The following SUGP1 variants were observed in gnomAD, a reference collection of about 807,000 sequenced individuals.
SUGP1 encodes the protein SURP and G-patch domain containing 1.
A neutral mutation model predicts 76.5 loss-of-function variants in SUGP1; 34 were observed. The ratio of observed to expected loss-of-function variants is 0.44; its 90% CI spans 0.34 to 0.59. The LOEUF is 0.59. Ranked by LOEUF, SUGP1 falls within the 20% of genes least tolerant of loss-of-function variation. The pLI is 0.01. For synonymous variants in SUGP1, 326 were observed against 326.2 expected, an observed-to-expected ratio of 1.00 and a Z score of 0.01; for missense variants, 752 against 851.7, an observed-to-expected ratio of 0.88 and a Z score of 1.46.
In SUGP1 at chr19:19,306,075, G is replaced by A. The variant is rs138023808; in HGVS notation, c.312C>T (p.Asp104=). 7.8e-4 allele frequency: 1,242 copies of A among 1,589,470 alleles called. 7 individuals are homozygous for A. In the African/African-American group the frequency reaches 0.015, roughly 19 times the overall value. ...GGGCGCTGGGCGCACTGGTCGGGGC[G>A]TCTGGTATAGAAGGAAGGATATGCG... The part of the protein sequence containing the change: ...LKLQKAQTST[D]APTSAPSAPP... Residue 104 remains aspartate, a splice_region_variant and synonymous_variant, in exon 4 of 14, where the codon GAC becomes GAT. Coordinates refer to ENST00000247001, the MANE Select transcript of SUGP1 (RefSeq NM_172231.4).
chr19:19,301,988 G>A (rs942839589), intron 7 of SUGP1: 3 of 450,226 alleles, frequency 6.7e-6, no homozygotes, highest in African/African-American at 3.9e-5. Context: ...AGGCAACTGG[G>A]CAAGTGCTAG....
At chr19:19,282,541 G>A (rs1380754294) in intron 8 of SUGP1, among the ~76,000 whole-genome samples, 4 of 151,700 alleles carry the variant, frequency 2.6e-5, no homozygotes, top group South Asian at 4.2e-4. Context: ...ATCATTAGGC[G>A]CCGTTACCAA....
chr19:19,319,722 A>G (rs912190199), intron 1 of SUGP1, among the ~76,000 whole-genome samples: 3 of 151,230 alleles, frequency 2.0e-5, no homozygotes, highest in African/African-American at 7.3e-5. Context: ...AAAAAAAAAA[A>G]AAAAAAAGAA....
chr19:19,307,196 T>G (rs1175448538), intron 3 of SUGP1, among the ~76,000 whole-genome samples: 1 of 151,794 alleles, frequency 6.6e-6, no homozygotes, highest in Non-Finnish European at 1.5e-5. Context: ...GGACTACAGG[T>G]GCACGACACC....
rs1410945392 is a variant in SUGP1, at chr19:19,318,439, G to GT, written c.35-1847dup. 3.4e-5 allele frequency among the ~76,000 whole-genome samples: 5 copies of GT among 149,090 alleles called. No individual in the cohort carries two copies. In the South Asian group the frequency reaches 6.9e-4, roughly 21 times the overall value. On this transcript the variant is annotated intron_variant, in intron 1 of 13. Transcript: ENST00000247001. ...CCAGCCGTTTTTTTTGTTTTGTTTT[G>GT]TTTTTTTGAGACAGGGTCTCGCTGA...
chr19:19,301,819 T>C (rs1047556672), intron 7 of SUGP1: 6 of 161,308 alleles, frequency 3.7e-5, no homozygotes, highest in Non-Finnish European at 8.2e-5. Context: ...ACAGGCTGGG[T>C]GTTCCCCCTC....
intron 2 of SUGP1, among the ~76,000 whole-genome samples, chr19:19,312,604 A>G (rs2061360263): frequency 6.6e-6 from 1 of 152,220 alleles, no homozygotes; most frequent in African/African-American, 2.4e-5. Context: ...AACAAGGGGC[A>G]CTGGTTAAAT....
At chr19:19,311,422 T>C (rs1438847997) in intron 2 of SUGP1, among the ~76,000 whole-genome samples, 1 of 151,672 alleles carries the variant, frequency 6.6e-6, no homozygotes. Context: ...CTTTGGCTGT[T>C]TTCTTAGAAA....
intron 2 of SUGP1, among the ~76,000 whole-genome samples, chr19:19,311,744 A>G (rs902173991): frequency 3.3e-5 from 5 of 151,602 alleles, no homozygotes; most frequent in African/African-American, 9.7e-5. Context: ...AAAAAAAAAA[A>G]AAAAAGAAAT....
rs543442116 is a variant in SUGP1 at position 19,312,783 on chromosome 19, C to G, written c.207-2583G>C. On this transcript the variant is annotated intron_variant, in intron 2 of 13. Coordinates refer to ENST00000247001, the MANE Select transcript of SUGP1 (RefSeq NM_172231.4). ...CGGGTGGATCACGTGGTCAGGAGAT[C>G]GAGACCATCCTGGCTAAAACAGTGA... is the stretch of plus-strand genomic sequence containing the variant. Among the ~76,000 whole-genome samples the G allele has an allele frequency of 9.2e-4, 139 of 151,588 alleles. 1 individual carries two copies. The highest frequency in any genetic ancestry group is 3.1e-3 in the African/African-American group (130 of 41,318).
intron 1 of SUGP1, among the ~76,000 whole-genome samples, chr19:19,319,726 AAAAG>A (rs1255700024): frequency 1.0e-4 from 15 of 147,438 alleles, no homozygotes; most frequent in South Asian, 8.4e-4. Flanking sequence ...AAAAAAAAAA[AAAAG>A]AAAGAAAGAA....
At chr19:19,306,727 T>C (rs1333344403) in intron 3 of SUGP1, among the ~76,000 whole-genome samples, 1 of 152,160 alleles carries the variant, frequency 6.6e-6, no homozygotes, top group Admixed American at 6.5e-5. Context: ...GCGACCAACC[T>C]ACAGACAGGG....
At chr19:19,286,861 T>C (rs1433837087) in intron 8 of SUGP1, among the ~76,000 whole-genome samples, 1 of 152,108 alleles carries the variant, frequency 6.6e-6, no homozygotes, top group African/African-American at 2.4e-5. Flanking sequence ...CTGGCTAACA[T>C]GGCGAAACCA....
intron 8 of SUGP1, among the ~76,000 whole-genome samples, chr19:19,291,586 T>C (rs2061183672): frequency 6.6e-6 from 1 of 151,654 alleles, no homozygotes; most frequent in African/African-American, 2.4e-5. Context: ...CGAAAAAACC[T>C]TCCAACAAAA....
intron 7 of SUGP1, 69 bp from the exon 8 acceptor site, chr19:19,297,413 G>GCAGTTCTGGCCTTCTGGGCAGGAC: frequency 7.3e-7 from 1 of 1,360,710 alleles, no homozygotes. Context: ...CTGGGCAGGA[G>GCAGTTCTGGCCTTCTGGGCAGGAC]CAGTTCTGGC....
At chr19:19,304,418 C>G (rs993342036) in intron 4 of SUGP1, among the ~76,000 whole-genome samples, 1 of 152,122 alleles carries the variant, frequency 6.6e-6, no homozygotes, top group Non-Finnish European at 1.5e-5. Flanking sequence ...ATCTCATACA[C>G]TTCCTGCCCA....
chr19:19,277,239 C>A (rs1237558449), intron 12 of SUGP1, among the ~76,000 whole-genome samples, 163 bp from the exon 13 acceptor site: 1 of 137,144 alleles, frequency 7.3e-6, no homozygotes, highest in African/African-American at 2.9e-5. Context: ...GAGGGGAGAC[C>A]CCCGGGGCGG....
chr19:19,278,892 A>C (rs2061074820), intron 10 of SUGP1, 96 bp from the exon 11 acceptor site: 4 of 1,332,906 alleles, frequency 3.0e-6, no homozygotes, highest in Non-Finnish European at 4.2e-6. Flanking sequence ...GCTCAGTGGG[A>C]GCCTGGGGCC....
intron 8 of SUGP1, among the ~76,000 whole-genome samples, chr19:19,293,460 T>G: frequency 6.6e-6 from 1 of 151,820 alleles, no homozygotes; most frequent in East Asian, 2.0e-4. Context: ...GGTGGGCACC[T>G]GTAGTCCCAG....
Sources: allele counts gnomAD v4.1 joint callset (sites outside exome capture counted in the v4.1 genomes callset), GRCh38; gene constraint gnomAD v4.1.1; transcripts MANE v1.5; gene names NCBI Gene and HGNC (gene_info 2026-07-23, HGNC 2026-07-21).